The following RABGEF1 variants were observed in gnomAD, a reference collection of about 807,000 sequenced individuals.
The protein encoded by RABGEF1 is RAB guanine nucleotide exchange factor 1, also known as rab5 GDP/GTP exchange factor.
Under a neutral mutation model 57.3 loss-of-function variants are expected in RABGEF1, and 26 were observed. The ratio of observed to expected loss-of-function variants is 0.45; its 90% confidence interval spans 0.33 to 0.63. The LOEUF (loss-of-function observed/expected upper bound fraction) is 0.63, where lower values mean the gene tolerates loss of function less well. Among genes scored for constraint, RABGEF1 ranks in the 20% least tolerant of loss-of-function variants. RABGEF1 has a pLI of 0.02. For missense variants in RABGEF1, 464 were observed against 607.6 expected (o/e 0.76, Z 2.48); for synonymous variants, 185 against 210.7 (o/e 0.88, Z 1.06).
intron 1 of RABGEF1, among the ~76,000 whole-genome samples, chr7:66,750,877 T>C (rs920269228): frequency 6.6e-6 from 1 of 152,260 alleles, no homozygotes; most frequent in Non-Finnish European, 1.5e-5. Flanking sequence ...ATCTGAGTAC[T>C]AGAAAATACT....
At chr7:66,764,540 A>T (rs1280528204) in intron 1 of RABGEF1, among the ~76,000 whole-genome samples, 1 of 152,190 alleles carries the variant, frequency 6.6e-6, no homozygotes, top group Non-Finnish European at 1.5e-5. Flanking sequence ...ATCCAATATC[A>T]TGAAAATTTT....
intron 2 of RABGEF1, among the ~76,000 whole-genome samples, chr7:66,714,875 TA>T (rs1427287520): frequency 6.6e-6 from 1 of 152,064 alleles, no homozygotes; most frequent in Non-Finnish European, 1.5e-5. Flanking sequence ...GCGGAGCTTG[TA>T]GTGAGCCAAG....
chr7:66,775,449 T>A, intron 3 of RABGEF1, 56 bp downstream of exon 3: 7 of 1,571,756 alleles, frequency 4.5e-6, no homozygotes, highest in Non-Finnish European at 6.1e-6. Flanking sequence ...ACAGAGGAGA[T>A]CCCCAATGCT....
intron 1 of RABGEF1, among the ~76,000 whole-genome samples, chr7:66,709,555 G>A (rs1191341856): frequency 2.6e-5 from 4 of 152,082 alleles, no homozygotes; most frequent in African/African-American, 7.2e-5. Context: ...TTGTGAGTCC[G>A]AGGTGGGCAG....
intron 4 of RABGEF1, among the ~76,000 whole-genome samples, chr7:66,794,508 C>A (rs1419537572): frequency 1.3e-5 from 2 of 151,924 alleles, no homozygotes; most frequent in Admixed American, 6.6e-5. Flanking sequence ...TTTAAATATT[C>A]TTTGGCAGAA....
chr7:66,752,507 A>T (rs1801675491), intron 1 of RABGEF1, among the ~76,000 whole-genome samples: 1 of 152,076 alleles, frequency 6.6e-6, no homozygotes. Context: ...AAAAAAAAAA[A>T]AGTCTTGATT....
intron 1 of RABGEF1, among the ~76,000 whole-genome samples, chr7:66,747,488 A>G (rs1360938845): frequency 2.0e-5 from 3 of 152,160 alleles, no homozygotes; most frequent in Non-Finnish European, 4.4e-5. Flanking sequence ...AAATAAATAC[A>G]CAACTGTAAT....
chr7:66,728,812 A>C (rs1584979074), intron 2 of RABGEF1, among the ~76,000 whole-genome samples: 1 of 151,842 alleles, frequency 6.6e-6, no homozygotes, highest in Non-Finnish European at 1.5e-5. Context: ...CTCCACCTTC[A>C]CCTCCATCCT....
chr7:66,803,844 G>A (rs549936314), intron 7 of RABGEF1, among the ~76,000 whole-genome samples: 23 of 151,224 alleles, frequency 1.5e-4, no homozygotes, highest in African/African-American at 4.4e-4. Context: ...AGCCGAGATC[G>A]TGCCACTGTA....
At chr7:66,792,726 A>G (rs1383416206) in intron 4 of RABGEF1, among the ~76,000 whole-genome samples, 1 of 152,228 alleles carries the variant, frequency 6.6e-6, no homozygotes, top group African/African-American at 2.4e-5. Context: ...AATTGTCTTC[A>G]GCATCTTATA....
intron 2 of RABGEF1, among the ~76,000 whole-genome samples, chr7:66,722,198 C>A (rs1425364166): frequency 6.6e-6 from 1 of 151,962 alleles, no homozygotes. Flanking sequence ...TCCCAGCACT[C>A]TGGGGGGCTG....
chr7:66,740,959 T>A (rs536482038), intron 1 of RABGEF1, among the ~76,000 whole-genome samples, 167 bp downstream of exon 1: 77 of 152,126 alleles, frequency 5.1e-4, no homozygotes, highest in African/African-American at 1.8e-3. Context: ...CCACATTCCG[T>A]CTCCGTCAGC....
chr7:66,711,896 A>G (rs536739520), intron 1 of RABGEF1, among the ~76,000 whole-genome samples: 1 of 152,016 alleles, frequency 6.6e-6, no homozygotes, highest in Non-Finnish European at 1.5e-5. Context: ...TGTATACTCT[A>G]TTCTTTTGCA....
At chr7:66,695,827 G>T (rs1358160594) in intron 1 of RABGEF1, among the ~76,000 whole-genome samples, 5 of 152,020 alleles carry the variant, frequency 3.3e-5, no homozygotes, top group Non-Finnish European at 7.4e-5. Flanking sequence ...TTACAGGGGT[G>T]TGGTAGCGAA....
At chr7:66,682,095 G>A, upstream of RABGEF1, 1 of 168,032 alleles carries the variant, frequency 6.0e-6, no homozygotes. Context: ...CGTTACGGGC[G>A]TGCGCTGGCG....
chr7:66,775,976 G>T (rs1808430694), intron 3 of RABGEF1, among the ~76,000 whole-genome samples: 1 of 152,182 alleles, frequency 6.6e-6, no homozygotes, highest in South Asian at 2.1e-4. Context: ...TTTTTAAAAT[G>T]CCATATAACC....
At chr7:66,661,989 C>T in the RABGEF1 span, among the ~76,000 whole-genome samples, 2 of 152,190 alleles carry the variant, frequency 1.3e-5, no homozygotes, top group Non-Finnish European at 2.9e-5. Flanking sequence ...GTGGCCCACG[C>T]CTGTAATCTC....
intron 1 of RABGEF1, among the ~76,000 whole-genome samples, chr7:66,756,310 A>G (rs969010889): frequency 4.6e-5 from 7 of 152,224 alleles, no homozygotes; most frequent in African/African-American, 1.7e-4. Context: ...ATGGGAGACC[A>G]GATTCCCTCA....
chr7:66,790,079 T>G (rs1022066418), intron 4 of RABGEF1, among the ~76,000 whole-genome samples: 1 of 152,198 alleles, frequency 6.6e-6, no homozygotes, highest in Non-Finnish European at 1.5e-5. Flanking sequence ...TTGCAGCAGA[T>G]CAGCCAAAAA....
Sources: gnomAD v4.1 joint callset for allele counts (sites outside exome capture counted in the v4.1 genomes callset) on GRCh38, gnomAD v4.1.1 for gene constraint, MANE v1.5 for transcripts, NCBI Gene and HGNC (gene_info 2026-07-23, HGNC 2026-07-21) for gene names.